Variants in WDTC1 observed in about 807,000 individuals in gnomAD.
WDTC1 encodes WD and tetratricopeptide repeats 1, also known as WD and tetratricopeptide repeats protein 1.
In WDTC1, 12 loss-of-function variants were observed where a neutral mutation model predicts 76.0. The ratio of observed to expected loss-of-function variants is 0.16; its 90% CI spans 0.10 to 0.26. The LOEUF (loss-of-function observed/expected upper bound fraction) is 0.26. Ranked by LOEUF, WDTC1 falls within the 10% of genes least tolerant of loss-of-function variation. WDTC1 has a pLI of 1.00. For missense variants in WDTC1, 511 were observed against 908.8 expected, an observed-to-expected ratio of 0.56 and a Z score of 5.63; for synonymous variants, 326 against 350.8, an observed-to-expected ratio of 0.93 and a Z score of 0.79.
chr1:27,298,583 T>C (rs1469764319), intron 12 of WDTC1, among the ~76,000 whole-genome samples: 1 of 152,192 alleles, frequency 6.6e-6, no homozygotes, highest in Non-Finnish European at 1.5e-5. Flanking sequence ...CCCTTTGGAC[T>C]GAGTACAAAC....
chr1:27,259,449 T>C (rs909646469), intron 1 of WDTC1, among the ~76,000 whole-genome samples: 6 of 150,806 alleles, frequency 4.0e-5, no homozygotes, highest in Non-Finnish European at 8.8e-5. Flanking sequence ...ATTACAGGCA[T>C]GAGCCACTCT....
chr1:27,271,933 G>A (rs977510828), intron 3 of WDTC1, among the ~76,000 whole-genome samples: 51 of 148,772 alleles, frequency 3.4e-4, no homozygotes, highest in African/African-American at 1.1e-3. Flanking sequence ...CACTGCGCCC[G>A]GCCTAAAATT....
chr1:27,264,127 A>G (rs1007305139), intron 3 of WDTC1, among the ~76,000 whole-genome samples: 6 of 152,106 alleles, frequency 3.9e-5, no homozygotes, highest in Admixed American at 6.6e-5. Flanking sequence ...CAACTCTACT[A>G]AAAATACAAA....
intron 3 of WDTC1, among the ~76,000 whole-genome samples, chr1:27,276,093 G>A (rs2013020341): frequency 6.6e-6 from 1 of 152,146 alleles, no homozygotes; most frequent in African/African-American, 2.4e-5. Context: ...TCCATCATTT[G>A]GATGTACCAC....
intron 3 of WDTC1, among the ~76,000 whole-genome samples, chr1:27,263,882 C>T (rs564492843): frequency 1.1e-4 from 16 of 151,986 alleles, no homozygotes; most frequent in Non-Finnish European, 1.3e-4. Context: ...TATACATATA[C>T]GTATACATAT....
chr1:27,253,340 CTTCT>C (rs1014257190), intron 1 of WDTC1, among the ~76,000 whole-genome samples: 1 of 150,614 alleles, frequency 6.6e-6, no homozygotes, highest in African/African-American at 2.4e-5. Context: ...TCTGCTTCTT[CTTCT>C]TTCTTCTTTC....
intron 1 of WDTC1, among the ~76,000 whole-genome samples, chr1:27,242,503 C>T (rs2011660459): frequency 6.6e-6 from 1 of 151,192 alleles, no homozygotes; most frequent in South Asian, 2.1e-4. Context: ...GAGTTTCGCT[C>T]CTGTCGCCCA....
chr1:27,269,693 C>T (rs1557491214), intron 3 of WDTC1, among the ~76,000 whole-genome samples: 1 of 133,962 alleles, frequency 7.5e-6, no homozygotes. Context: ...TGGCTTACTG[C>T]AACCTCCGCC....
upstream of WDTC1, chr1:27,234,511 G>C (rs1412007031): frequency 3.1e-5 from 11 of 355,362 alleles, no homozygotes; most frequent in African/African-American, 6.3e-5. Flanking sequence ...CGGGCGCGGG[G>C]GGGTAAGTGG....
At chr1:27,284,937 G>A (rs999927694) in intron 5 of WDTC1, among the ~76,000 whole-genome samples, 26 of 151,678 alleles carry the variant, frequency 1.7e-4, no homozygotes, top group African/African-American at 6.1e-4. Flanking sequence ...TTTCTGCTGT[G>A]CATTGAGTGT....
At chr1:27,245,638 C>T (rs1427358603) in intron 1 of WDTC1, among the ~76,000 whole-genome samples, 2 of 150,808 alleles carry the variant, frequency 1.3e-5, no homozygotes, top group South Asian at 2.1e-4. Context: ...GGCGCAATCT[C>T]GGCTCACTGC....
chr1:27,290,277 T>A (rs986465903), intron 6 of WDTC1, among the ~76,000 whole-genome samples: 1 of 151,940 alleles, frequency 6.6e-6, no homozygotes, highest in Admixed American at 6.6e-5. Context: ...AGAGATGGGG[T>A]TTCTCTGTGT....
In WDTC1 at chr1:27,303,591, C is replaced by T. The variant is rs760768942; in HGVS notation, c.1469-30C>T. 5.1e-6 allele frequency: 8 copies of T among 1,564,886 alleles called. No homozygotes were observed. The highest frequency in any genetic ancestry group is 4.8e-5 in the South Asian group (4 of 83,680). On this transcript the variant is annotated intron_variant, in intron 13 of 15. Transcript: ENST00000319394. This position sits in a 1 kb window ranked among gnomAD's most constrained non-coding sequence, Gnocchi z 4.8. ...TAGGGAAGGAGAGAAAGGAACAAGGCGCTTACCTTTTCTGGATCTCTGCCC... is the reference window on the plus strand; with the variant it reads ...TAGGGAAGGAGAGAAAGGAACAAGGTGCTTACCTTTTCTGGATCTCTGCCC...
intron 12 of WDTC1, among the ~76,000 whole-genome samples, chr1:27,298,957 G>A: frequency 6.6e-6 from 1 of 152,192 alleles, no homozygotes; most frequent in East Asian, 1.9e-4. Context: ...GCTAGGTGGG[G>A]GTGGGGAAGA....
At chr1:27,270,013 G>C (rs1454082550) in intron 3 of WDTC1, among the ~76,000 whole-genome samples, 3 of 151,554 alleles carry the variant, frequency 2.0e-5, no homozygotes, top group Non-Finnish European at 4.4e-5. Context: ...CATGGCTCAC[G>C]ATAGCCTTGA....
At chr1:27,268,529 C>T (rs1178430117) in intron 3 of WDTC1, among the ~76,000 whole-genome samples, 3 of 151,676 alleles carry the variant, frequency 2.0e-5, no homozygotes, top group African/African-American at 7.3e-5. Flanking sequence ...AGTGATTCTC[C>T]TGCCCCAGCC....
chr1:27,235,242 C>CA (rs1019707127), intron 1 of WDTC1, among the ~76,000 whole-genome samples: 2 of 152,136 alleles, frequency 1.3e-5, no homozygotes, highest in African/African-American at 4.8e-5. Flanking sequence ...GTCATTCCAT[C>CA]ATGGGACTTT....
At chr1:27,260,569 T>A (rs2012445990) in intron 1 of WDTC1, among the ~76,000 whole-genome samples, 1 of 152,190 alleles carries the variant, frequency 6.6e-6, no homozygotes, top group Non-Finnish European at 1.5e-5. Context: ...GGATCAGAGA[T>A]TTGAAGCATA....
intron 5 of WDTC1, among the ~76,000 whole-genome samples, chr1:27,286,000 T>G (rs1249347548): frequency 4.4e-5 from 6 of 135,256 alleles, no homozygotes; most frequent in South Asian, 2.5e-4. Context: ...ATGGTGGTTT[T>G]TTTTTTTTTT....
Sources: allele counts gnomAD v4.1 joint callset (sites outside exome capture counted in the v4.1 genomes callset), GRCh38; gene constraint gnomAD v4.1.1; non-coding constraint Gnocchi (gnomAD v3.1); transcripts MANE v1.5; gene names NCBI Gene and HGNC (gene_info 2026-07-23, HGNC 2026-07-21).